Variants in TTC3 observed in about 807,000 individuals in gnomAD.
The protein encoded by TTC3 is tetratricopeptide repeat domain 3, also known as E3 ubiquitin-protein ligase TTC3.
In TTC3, 180 loss-of-function variants were observed where a neutral mutation model predicts 249.6. The observed-to-expected ratio is 0.72, with a 90% CI of 0.64 to 0.82. The LOEUF (loss-of-function observed/expected upper bound fraction) is 0.82, where lower values mean the gene tolerates loss of function less well. TTC3 is among the 40% of genes least tolerant of loss of function. The pLI is 0.00. For synonymous variants in TTC3, 717 were observed against 805.0 expected, an observed-to-expected ratio of 0.89 and a Z score of 1.85; for missense variants, 2,061 against 2,398.4, an observed-to-expected ratio of 0.86 and a Z score of 2.94.
At chr21:37,188,673 G>A in intron 39 of TTC3, 78 bp downstream of exon 39, 1 of 1,034,122 alleles carries the variant, frequency 9.7e-7, no homozygotes, top group Non-Finnish European at 1.4e-6. Context: ...ACATTATTTT[G>A]TATTAGGACC....
chr21:37,084,941 C>T (rs938280273), intron 1 of TTC3, among the ~76,000 whole-genome samples: 11 of 152,068 alleles, frequency 7.2e-5, no homozygotes, highest in African/African-American at 1.4e-4. Context: ...TGCAGTGAGC[C>T]GAGATCGTGC....
chr21:37,122,407 A>ATATATATATATAATATATATATATATAT, intron 12 of TTC3, among the ~76,000 whole-genome samples: 1 of 45,084 alleles, frequency 2.2e-5, no homozygotes, highest in East Asian at 4.8e-4. Flanking sequence ...CGTGCTGAAT[A>ATATATATATATAATATATATATATATAT]TATATATATA....
chr21:37,163,233 G>A (rs553406468), intron 31 of TTC3, among the ~76,000 whole-genome samples: 80 of 152,272 alleles, frequency 5.3e-4, no homozygotes, highest in Non-Finnish European at 9.4e-4. Flanking sequence ...AGTGCAGAGC[G>A]ACTTGCCCAA....
At chr21:37,084,719 G>A (rs2072179851) in intron 1 of TTC3, among the ~76,000 whole-genome samples, 1 of 152,224 alleles carries the variant, frequency 6.6e-6, no homozygotes, top group East Asian at 1.9e-4. Flanking sequence ...ACAAGGCCGG[G>A]TGCGGTGGCT....
At chr21:37,077,126 A>AT in intron 1 of TTC3, among the ~76,000 whole-genome samples, 1 of 151,460 alleles carries the variant, frequency 6.6e-6, no homozygotes, top group Non-Finnish European at 1.5e-5. Flanking sequence ...ATCAGGGTAT[A>AT]TTTTTTGGCC....
chr21:37,081,079 T>C (rs1373330830), intron 1 of TTC3, among the ~76,000 whole-genome samples: 1 of 149,772 alleles, frequency 6.7e-6, no homozygotes, highest in Non-Finnish European at 1.5e-5. Flanking sequence ...CTGTTGCTTA[T>C]ACAAAGTGTG....
At chr21:37,122,026 A>C (rs141461858) in intron 12 of TTC3, 47 bp downstream of exon 12, 6 of 1,527,864 alleles carry the variant, frequency 3.9e-6, no homozygotes, top group South Asian at 2.7e-5. Flanking sequence ...TTCCCTTTCA[A>C]ACTTTGGAGG....
At chr21:37,184,675 G>A (rs1426229078) in intron 36 of TTC3, among the ~76,000 whole-genome samples, 1 of 145,278 alleles carries the variant, frequency 6.9e-6, no homozygotes, top group African/African-American at 2.6e-5. Context: ...CACCATGTTG[G>A]CCAGGCTGGT....
At chr21:37,181,049 C>T (rs1031279555) in intron 35 of TTC3, among the ~76,000 whole-genome samples, 6 of 152,034 alleles carry the variant, frequency 3.9e-5, no homozygotes, top group African/African-American at 1.2e-4. Flanking sequence ...GAAAGAAAAA[C>T]GTTCAGGAGA....
intron 25 of TTC3, 70 bp downstream of exon 25, chr21:37,150,954 T>C: frequency 8.5e-7 from 1 of 1,175,886 alleles, no homozygotes. Flanking sequence ...AAATGCAGAT[T>C]TCTAAATTAT....
At chr21:37,116,148 C>T (rs1416528632) in intron 11 of TTC3, among the ~76,000 whole-genome samples, 1 of 152,212 alleles carries the variant, frequency 6.6e-6, no homozygotes, top group Admixed American at 6.5e-5. Flanking sequence ...ACTTACTTAG[C>T]AGGCACTCAT....
chr21:37,141,358 G>A (rs1055426456), intron 20 of TTC3, among the ~76,000 whole-genome samples: 1 of 151,880 alleles, frequency 6.6e-6, no homozygotes, highest in African/African-American at 2.4e-5. Flanking sequence ...ATTTCTAACT[G>A]TCTTTAAATT....
intron 30 of TTC3, among the ~76,000 whole-genome samples, chr21:37,161,699 A>G (rs572501814): frequency 2.6e-5 from 4 of 152,308 alleles, no homozygotes; most frequent in Admixed American, 2.6e-4. Context: ...TACAACTTTT[A>G]TTTTTATCTT....
intron 11 of TTC3, among the ~76,000 whole-genome samples, chr21:37,110,898 A>T (rs904565331): frequency 5.9e-5 from 9 of 152,240 alleles, no homozygotes; most frequent in African/African-American, 2.2e-4. Context: ...GGGGGCGAAT[A>T]TTCAACATTC....
intron 19 of TTC3, among the ~76,000 whole-genome samples, chr21:37,139,558 T>C (rs1460944344): frequency 2.6e-5 from 4 of 152,154 alleles, no homozygotes; most frequent in African/African-American, 9.7e-5. Flanking sequence ...AAGTAGTCTT[T>C]TACGTTCTGT....
At chr21:37,116,822 AAAAT>A (rs2076181471) in intron 11 of TTC3, among the ~76,000 whole-genome samples, 1 of 152,018 alleles carries the variant, frequency 6.6e-6, no homozygotes, top group Non-Finnish European at 1.5e-5. Context: ...TAAAAAAATA[AAAAT>A]AAATAAATTT....
intron 10 of TTC3, among the ~76,000 whole-genome samples, chr21:37,102,661 G>A (rs1193579832): frequency 6.6e-6 from 1 of 152,170 alleles, no homozygotes; most frequent in Non-Finnish European, 1.5e-5. Flanking sequence ...GGGCTCTTGG[G>A]AACTTTAAGC....
Position 37,191,365 on chromosome 21 carries a change from G to A in TTC3, c.5056G>A (p.Asp1686Asn), listed in dbSNP as rs1320207624. 1.9e-6 allele frequency: 3 copies of A among 1,591,180 alleles called. No individual in the cohort carries two copies. The African/African-American group carries it at 4.1e-5, about 22-fold the overall frequency. ...TGCAGCATATCCTGACATGGAGTCT[G>A]ATATACGTTCATGGGAATTGTTTCT... is the stretch of plus-strand genomic sequence containing the variant. Residue 1686 changes from aspartate (D) to asparagine (N), a missense_variant, in exon 40 of 46, where the codon GAT (aspartate) becomes AAT (asparagine). This residue lies in a region of TTC3 where 1,040 missense variants were observed against 1,186.1 expected (regional missense o/e 0.88). Transcript: ENST00000355666.
intron 10 of TTC3, chr21:37,098,901 G>A (rs2074205771): frequency 6.6e-6 from 1 of 152,120 alleles, no homozygotes; most frequent in Non-Finnish European, 1.5e-5. Context: ...CAAGCAGAGG[G>A]ATGCTGGATC....
Sources: gnomAD v4.1 joint callset for allele counts (sites outside exome capture counted in the v4.1 genomes callset) on GRCh38, gnomAD v4.1.1 for gene constraint, gnomAD v4.1.1 regional missense constraint, MANE v1.5 for transcripts, NCBI Gene and HGNC (gene_info 2026-07-23, HGNC 2026-07-21) for gene names.